Variants in RGR observed in about 807,000 individuals in gnomAD.
RGR encodes RPE-retinal G protein-coupled receptor.
In RGR, 30 loss-of-function variants were observed where a neutral mutation model predicts 28.6. That is an observed-to-expected ratio of 1.05 (90% CI 0.78 to 1.42). RGR has a LOEUF of 1.42. RGR is among the 40% of genes most tolerant of loss of function. RGR has a pLI of 0.00. For synonymous variants in RGR, 180 were observed against 156.4 expected (o/e 1.15, Z -1.13); for missense variants, 404 against 375.6 (o/e 1.08, Z -0.62).
At chr10:84,248,116 G>A (rs1842770521) in intron 2 of RGR, 2 of 665,900 alleles carry the variant, frequency 3.0e-6, no homozygotes, top group Non-Finnish European at 2.3e-6. Context: ...CTTCTATTAT[G>A]TGTAAATAAC....
chr10:84,245,581 C>T (rs541930353), intron 1 of RGR, among the ~76,000 whole-genome samples: 1 of 152,328 alleles, frequency 6.6e-6, no homozygotes, highest in South Asian at 2.1e-4. Flanking sequence ...GCCTCCTGCT[C>T]TTGTGTGGCT....
chr10:84,245,473 C>T (rs943988816), intron 1 of RGR, among the ~76,000 whole-genome samples: 2 of 152,084 alleles, frequency 1.3e-5, no homozygotes, highest in African/African-American at 4.8e-5. Flanking sequence ...TTTTCATGTC[C>T]CTCCAGCCGG....
At chr10:84,246,976 T>A (rs1245414019) in intron 1 of RGR, among the ~76,000 whole-genome samples, 4 of 152,230 alleles carry the variant, frequency 2.6e-5, no homozygotes, top group Non-Finnish European at 5.9e-5. Flanking sequence ...TGCAGGTAAG[T>A]GCTTCTCATA....
At chr10:84,246,832 C>T (rs1316982062) in intron 1 of RGR, among the ~76,000 whole-genome samples, 1 of 152,198 alleles carries the variant, frequency 6.6e-6, no homozygotes, top group Non-Finnish European at 1.5e-5. Context: ...TTTACCACAT[C>T]CATGGCATTG....
At position 84,258,496 on chromosome 10, in the gene RGR, C is replaced by G; in HGVS notation, c.745-12C>G. The G allele has an allele frequency of 6.2e-7, 1 of 1,614,204 alleles. No individual in the cohort carries two copies. Among genetic ancestry groups the G allele is most frequent in the Admixed American group, 1.7e-5 (1 of 60,032 alleles). On this transcript the variant is annotated splice_polypyrimidine_tract_variant and intron_variant, in intron 6 of 6. Transcript: ENST00000652092. ...TTTGAAGCTTCTTTTCTGGACTTTTCTGCCACAACAGGTGCCCGCCCTCAT... is the reference window on the plus strand; with the variant it reads ...TTTGAAGCTTCTTTTCTGGACTTTTGTGCCACAACAGGTGCCCGCCCTCAT...
At chr10:84,256,641 A>G (rs1318473422) in intron 5 of RGR, among the ~76,000 whole-genome samples, 2 of 152,178 alleles carry the variant, frequency 1.3e-5, no homozygotes, top group African/African-American at 2.4e-5. Context: ...TCCTGGGACC[A>G]GAATCCAGTC....
intron 3 of RGR, chr10:84,250,741 T>C: frequency 3.1e-6 from 1 of 322,464 alleles, no homozygotes; most frequent in East Asian, 5.8e-5. Context: ...GCATGTCACC[T>C]TGGCCATCTG....
At chr10:84,253,838 G>A (rs1209611739) in intron 4 of RGR, among the ~76,000 whole-genome samples, 1 of 152,130 alleles carries the variant, frequency 6.6e-6, no homozygotes, top group African/African-American at 2.4e-5. Flanking sequence ...CAGAAAATGG[G>A]AATCTGTCTC....
At chr10:84,250,866 C>T (rs1842808031) in intron 3 of RGR, 1 of 152,190 alleles carries the variant, frequency 6.6e-6, no homozygotes, top group Non-Finnish European at 1.4e-5. Context: ...TGAGATGGCA[C>T]CACTGCACTC....
Position 84,247,723 on chromosome 10 carries a change from T to A in RGR, c.212T>A (p.Val71Asp). Residue 71 changes from valine (V) to aspartate (D), a missense_variant, in exon 2 of 7, where the codon GTT (valine) becomes GAT (aspartate). By Grantham distance (152) the Val-to-Asp change is radical (BLOSUM62 -3). Coordinates refer to ENST00000652092, the MANE Select transcript of RGR (RefSeq NM_001012720.2). ...ADSGISLNAL[V>D]AATSSLLRRW... Reference sequence around the variant, plus strand: ...AGTGGGATCAGCCTGAATGCCCTCGTTGCAGCCACATCCAGCCTTCTCCGG... The same window carrying A: ...AGTGGGATCAGCCTGAATGCCCTCGATGCAGCCACATCCAGCCTTCTCCGG... The A allele has an allele frequency of 6.2e-7, 1 of 1,614,164 alleles. No individual in the cohort carries two copies. Among genetic ancestry groups the A allele is most frequent in the East Asian group, 2.2e-5 (1 of 44,876 alleles).
chr10:84,247,867 G>C, intron 2 of RGR, 120 bp downstream of exon 2: 1 of 1,419,454 alleles, frequency 7.0e-7, no homozygotes, highest in Non-Finnish European at 9.8e-7. Flanking sequence ...CAAGGGCAGA[G>C]GGTGGGCAGG....
At chr10:84,245,497 C>G (rs541213112) in intron 1 of RGR, among the ~76,000 whole-genome samples, 4 of 152,118 alleles carry the variant, frequency 2.6e-5, no homozygotes, top group African/African-American at 9.7e-5. Context: ...AAAATTTAAT[C>G]CACTCCTTGG....
chr10:84,254,300 C>T (rs1428504292), intron 4 of RGR, 26 bp from the exon 5 acceptor site: 2 of 1,602,942 alleles, frequency 1.2e-6, no homozygotes, highest in South Asian at 1.1e-5. Flanking sequence ...GAGCTAACCC[C>T]AATCCTCCAC....
In RGR at chr10:84,250,099, C is replaced by G. The variant is rs141665532; in HGVS notation, c.358+1056C>G. Among the ~76,000 whole-genome samples, 828 of 152,286 alleles carry G rather than the reference C, an allele frequency of 5.4e-3. 9 individuals are homozygous for G. Among genetic ancestry groups the G allele is most frequent in the African/African-American group, 0.019 (809 of 41,554 alleles). ...TGGCTCAGCTAACCCTCCTAGCAAA[C>G]CTTCAGCTCACAGCCTCGGAAGCAG... On this transcript the variant is annotated intron_variant, in intron 3 of 6. Transcript: ENST00000652092.
intron 1 of RGR, 53 bp downstream of exon 1, chr10:84,245,222 C>A: frequency 6.4e-7 from 1 of 1,565,272 alleles, no homozygotes; most frequent in Non-Finnish European, 8.8e-7. Context: ...TTCTGAGGAC[C>A]CAGGCCACCA....
chr10:84,253,801 G>A (rs894997071), intron 4 of RGR, among the ~76,000 whole-genome samples: 4 of 152,136 alleles, frequency 2.6e-5, no homozygotes, highest in Admixed American at 6.5e-5. Context: ...CCTGGTGGAC[G>A]GCTCCAAGGT....
chr10:84,246,882 T>C lies in RGR; in HGVS notation c.80-709T>C, dbSNP rs11200939. On this transcript the variant is annotated intron_variant, in intron 1 of 6. Transcript: ENST00000652092. ...GACTTTTTAATGATGGTCATTCTTA[T>C]AGGAGTAAGGTGGTATCTCATTGTA... is the stretch of plus-strand genomic sequence containing the variant. 3.7e-3 allele frequency among the ~76,000 whole-genome samples: 558 copies of C among 152,358 alleles called. 23 individuals carry two copies. The East Asian group carries it at 0.097, about 26-fold the overall frequency.
At chr10:84,249,225 C>T (rs1842785914) in intron 3 of RGR, among the ~76,000 whole-genome samples, 182 bp downstream of exon 3, 1 of 152,180 alleles carries the variant, frequency 6.6e-6, no homozygotes, top group African/African-American at 2.4e-5. Flanking sequence ...GGAGAGTGTG[C>T]AGGAGAGCTG....
intron 5 of RGR, among the ~76,000 whole-genome samples, chr10:84,256,792 T>A (rs1224973895): frequency 6.6e-6 from 1 of 151,954 alleles, no homozygotes; most frequent in Non-Finnish European, 1.5e-5. Context: ...GCCACCATGA[T>A]CTCCTCATTT....
Sources: gnomAD v4.1 joint callset for allele counts (sites outside exome capture counted in the v4.1 genomes callset) on GRCh38, gnomAD v4.1.1 for gene constraint, MANE v1.5 for transcripts, NCBI Gene and HGNC (gene_info 2026-07-23, HGNC 2026-07-21) for gene names.